Variants in KAT2B observed in about 807,000 individuals in gnomAD.
KAT2B encodes lysine acetyltransferase 2B, also known as histone acetyltransferase KAT2B.
A neutral mutation model predicts 105.9 loss-of-function variants in KAT2B; 36 were observed. The ratio of observed to expected loss-of-function variants is 0.34; its 90% confidence interval spans 0.26 to 0.45. The LOEUF (loss-of-function observed/expected upper bound fraction) is 0.45. Ranked by LOEUF, KAT2B falls within the 20% of genes least tolerant of loss-of-function variation. The probability of loss-of-function intolerance (pLI) is 1.00; values close to 1 mark genes in which losing one functional copy is unlikely to be tolerated. For synonymous variants in KAT2B, 397 were observed against 377.9 expected, an observed-to-expected ratio of 1.05 and a Z score of -0.59; for missense variants, 820 against 1,021.6, an observed-to-expected ratio of 0.80 and a Z score of 2.69.
intron 2 of KAT2B, among the ~76,000 whole-genome samples, chr3:20,083,004 C>T (rs949015572): frequency 8.5e-5 from 13 of 152,092 alleles, no homozygotes; most frequent in African/African-American, 2.9e-4. Flanking sequence ...GTAGGGGGTG[C>T]TTATTAATTT....
At chr3:20,122,901 A>G (rs1389615957) in intron 9 of KAT2B, 97 bp downstream of exon 9, 21 of 1,480,622 alleles carry the variant, frequency 1.4e-5, no homozygotes, top group East Asian at 2.3e-5. Context: ...CTGAGAGTTA[A>G]CATGTTATGC....
At chr3:20,094,106 C>T (rs1257467563) in intron 2 of KAT2B, among the ~76,000 whole-genome samples, 1 of 152,080 alleles carries the variant, frequency 6.6e-6, no homozygotes, top group Non-Finnish European at 1.5e-5. Context: ...CATTTTCACA[C>T]AGCTATAAAG....
At chr3:20,084,417 A>G (rs560493449) in intron 2 of KAT2B, among the ~76,000 whole-genome samples, 2 of 152,230 alleles carry the variant, frequency 1.3e-5, no homozygotes, top group South Asian at 4.1e-4. Context: ...TTCTGCTATG[A>G]AAGTTACTCA....
At chr3:20,141,076 A>G (rs1228379751) in intron 13 of KAT2B, among the ~76,000 whole-genome samples, 2 of 152,156 alleles carry the variant, frequency 1.3e-5, no homozygotes, top group Non-Finnish European at 2.9e-5. Flanking sequence ...CTCAGCACAC[A>G]CATAAATCAA....
At position 20,136,981 on chromosome 3, in the gene KAT2B, C is replaced by A; in HGVS notation, c.1789C>A (p.His597Asn). The A allele has an allele frequency of 6.2e-7, 1 of 1,609,334 alleles. No individual in the cohort carries two copies. The highest frequency in any genetic ancestry group is 8.5e-7 in the Non-Finnish European group (1 of 1,175,870). Residue 597 changes from histidine (H) to asparagine (N), a missense_variant, in exon 12 of 18, where the codon CAC (histidine) becomes AAC (asparagine). Coordinates refer to ENST00000263754, the MANE Select transcript of KAT2B (RefSeq NM_003884.5). ...THLMNHLKEY[H>N]IKHDILNFLT... ...CCTGATGAATCATTTGAAAGAATAT[C>A]ACATAAAGCATGACATCCTGAACTT...
chr3:20,153,916 G>T lies in KAT2B; in HGVS notation c.*1391G>T, dbSNP rs1044463600. 2 of 152,380 alleles carry T rather than the reference G, an allele frequency of 1.3e-5. No individual in the cohort carries two copies. The highest frequency in any genetic ancestry group is 6.5e-5 in the Admixed American group (1 of 15,280). 9.4% of individuals were successfully genotyped at this position (152,380 alleles called of 1,614,324 possible). ...AGTGATAATCTGCATGAAGGAAAAA[G>T]AACCCTGCAAATGGCTATTGAGTTG... On this transcript the variant is annotated 3_prime_UTR_variant, in exon 18 of 18. Coordinates refer to ENST00000263754, the MANE Select transcript of KAT2B (RefSeq NM_003884.5).
At chr3:20,085,511 C>CTTT (rs11346744) in intron 2 of KAT2B, among the ~76,000 whole-genome samples, 11 of 137,646 alleles carry the variant, frequency 8.0e-5, no homozygotes, top group Middle Eastern at 3.8e-3. Context: ...TTCTTTCTTT[C>CTTT]TTTTTTTTTT....
At chr3:20,051,813 A>T (rs1360479330) in intron 1 of KAT2B, among the ~76,000 whole-genome samples, 1 of 152,356 alleles carries the variant, frequency 6.6e-6, no homozygotes, top group Middle Eastern at 3.4e-3. Flanking sequence ...TCCACTTATA[A>T]ATTAGTCTTT....
At chr3:20,147,698 A>G (rs1699802369) in intron 14 of KAT2B, among the ~76,000 whole-genome samples, 2 of 152,230 alleles carry the variant, frequency 1.3e-5, no homozygotes, top group South Asian at 4.1e-4. Flanking sequence ...ACAGTACTGT[A>G]CATATTTATT....
intron 5 of KAT2B, among the ~76,000 whole-genome samples, chr3:20,107,139 T>G (rs1177813698): frequency 7.0e-6 from 1 of 143,050 alleles, no homozygotes; most frequent in Non-Finnish European, 1.5e-5. Flanking sequence ...TTCAAGCCAT[T>G]CCCGTCTCTG....
chr3:20,099,771 GAGAGAC>G, intron 3 of KAT2B, 85 bp from the exon 4 acceptor site: 10 of 668,698 alleles, frequency 1.5e-5, no homozygotes, highest in East Asian at 1.3e-4. Context: ...GAGAGAGAGA[GAGAGAC>G]AGACAGAAAC....
chr3:20,151,955 A>T (rs1392442621), intron 17 of KAT2B, among the ~76,000 whole-genome samples: 1 of 152,138 alleles, frequency 6.6e-6, no homozygotes, highest in East Asian at 1.9e-4. Flanking sequence ...CAAACGTTCC[A>T]CCTGCTCTAC....
chr3:20,152,306 T>G (rs1245767201), intron 17 of KAT2B, 26 bp from the exon 18 acceptor site: 1 of 1,573,858 alleles, frequency 6.4e-7, no homozygotes, highest in South Asian at 1.1e-5. Context: ...AGTCAAAGAT[T>G]GCTAATATTT....
At chr3:20,058,552 A>G (rs1189376318) in intron 1 of KAT2B, among the ~76,000 whole-genome samples, 1 of 151,734 alleles carries the variant, frequency 6.6e-6, no homozygotes, top group East Asian at 1.9e-4. Flanking sequence ...TTCTATCTCA[A>G]TCCCAGGCAG....
chr3:20,101,119 A>G, intron 4 of KAT2B, 168 bp from the exon 5 acceptor site: 1 of 588,670 alleles, frequency 1.7e-6, no homozygotes, highest in Non-Finnish European at 3.0e-6. Context: ...CTGAGGCAAG[A>G]TTCCCTCTGG....
At chr3:20,096,374 T>A (rs1158614665) in intron 3 of KAT2B, among the ~76,000 whole-genome samples, 1 of 151,964 alleles carries the variant, frequency 6.6e-6, no homozygotes, top group African/African-American at 2.4e-5. Context: ...GGACTAACGA[T>A]GTGGGAAGGA....
At chr3:20,075,827 C>T (rs1409029205) in intron 2 of KAT2B, among the ~76,000 whole-genome samples, 1 of 149,854 alleles carries the variant, frequency 6.7e-6, no homozygotes, top group African/African-American at 2.5e-5. Flanking sequence ...GCATGAGAAT[C>T]GATTAAACCT....
chr3:20,040,488 C>G lies in KAT2B; in HGVS notation c.11C>G (p.Ala4Gly). The stretch of plus-strand genomic sequence containing the variant: ...GTGCTCCGGGGCGGCATGTCCGAGG[C>G]TGGCGGGGCCGGGCCGGGCGGCTGC... MSE[A>G]GGAGPGGCGA... Residue 4 changes from alanine to glycine, a missense_variant, in exon 1 of 18, where the codon GCT becomes GGT. Ala to Gly is a moderately conservative substitution (Grantham distance 60). Transcript: ENST00000263754. 2 of 1,051,324 alleles carry G rather than the reference C, an allele frequency of 1.9e-6. No individual in the cohort carries two copies. The highest frequency in any genetic ancestry group is 2.3e-6 in the Non-Finnish European group (2 of 874,430). The allele number at this position is 1,051,324 out of a possible 1,614,324, so 65.1% of individuals were successfully genotyped here.
chr3:20,075,473 G>A (rs961972819), intron 2 of KAT2B, among the ~76,000 whole-genome samples: 1 of 151,718 alleles, frequency 6.6e-6, no homozygotes. Flanking sequence ...ACAGGTTAAG[G>A]GCACAGTCCC....
Sources: allele counts gnomAD v4.1 joint callset (sites outside exome capture counted in the v4.1 genomes callset), GRCh38; gene constraint gnomAD v4.1.1; transcripts MANE v1.5; gene names NCBI Gene and HGNC (gene_info 2026-07-23, HGNC 2026-07-21).